Variants in TRAK1 observed in about 807,000 individuals in gnomAD.
The protein encoded by TRAK1 is trafficking kinesin protein 1, also known as trafficking kinesin-binding protein 1.
Under a neutral mutation model 92.1 loss-of-function variants are expected in TRAK1, and 33 were observed. The observed-to-expected ratio is 0.36, with a 90% CI of 0.27 to 0.48. The LOEUF is 0.48. Ranked by LOEUF, TRAK1 falls within the 20% of genes least tolerant of loss-of-function variation. The pLI, the probability that TRAK1 is intolerant of heterozygous loss-of-function variation, is 0.99. For synonymous variants in TRAK1, 521 were observed against 517.3 expected, an observed-to-expected ratio of 1.01 and a Z score of -0.10; for missense variants, 1,123 against 1,257.9, an observed-to-expected ratio of 0.89 and a Z score of 1.62.
chr3:42,077,596 C>T (rs1032202467), intron 1 of TRAK1, among the ~76,000 whole-genome samples: 2 of 152,134 alleles, frequency 1.3e-5, no homozygotes, highest in African/African-American at 4.8e-5. Flanking sequence ...ACTGTTTTTC[C>T]ATTTGTTTGT....
chr3:42,212,154 T>C (rs939425986), intron 14 of TRAK1: 1 of 985,346 alleles, frequency 1.0e-6, no homozygotes, highest in Admixed American at 6.1e-5. Flanking sequence ...AGTAGCTCTA[T>C]GCCTGCAATC....
chr3:42,036,892 G>A (rs1364608507), intron 1 of TRAK1, among the ~76,000 whole-genome samples: 1 of 152,110 alleles, frequency 6.6e-6, no homozygotes, highest in Non-Finnish European at 1.5e-5. Context: ...TAGGATTACA[G>A]GTGCATGCCA....
Position 42,170,607 on chromosome 3 carries a change from C to T in TRAK1, c.287-6207C>T, listed in dbSNP as rs1702416046. The stretch of plus-strand genomic sequence containing the variant: ...TGTCTACTTTGAATGTTTATTCAAT[C>T]CCTTTGCAGTTTTTATAATGAAAAT... On this transcript the variant is annotated intron_variant, in intron 2 of 15. Transcript: ENST00000327628. Among the ~76,000 whole-genome samples, 3 of 152,080 alleles carry T rather than the reference C, an allele frequency of 2.0e-5. No homozygotes were observed. The South Asian group carries it at 6.2e-4, about 32-fold the overall frequency.
intron 2 of TRAK1, chr3:42,160,346 TG>T: frequency 6.2e-7 from 1 of 1,613,862 alleles, no homozygotes; most frequent in Non-Finnish European, 8.5e-7. Flanking sequence ...GTTTTGGCTT[TG>T]GGGTGACTTC....
rs564665241 is a variant in TRAK1, at chr3:42,168,777, G to T, written c.287-8037G>T. ...TGTAGAGATGGGGATTTGCTATATT[G>T]TCCAGGCTGGTCTCAAACTCTTGGG... On this transcript the variant is annotated intron_variant, in intron 2 of 15. Coordinates refer to ENST00000327628, the MANE Select transcript of TRAK1 (RefSeq NM_001042646.3). 2.5e-4 allele frequency among the ~76,000 whole-genome samples: 38 copies of T among 151,958 alleles called. No individual in the cohort carries two copies. The South Asian group carries it at 7.1e-3, about 28-fold the overall frequency.
intron 1 of TRAK1, among the ~76,000 whole-genome samples, chr3:42,070,445 T>C (rs1312474602): frequency 6.6e-6 from 1 of 152,092 alleles, no homozygotes; most frequent in Non-Finnish European, 1.5e-5. Flanking sequence ...GCTGTTGTTT[T>C]GAGACAGGAT....
upstream of TRAK1, among the ~76,000 whole-genome samples, chr3:42,083,893 A>G (rs1360597066): frequency 6.6e-6 from 1 of 151,926 alleles, no homozygotes; most frequent in East Asian, 1.9e-4. Flanking sequence ...TAAATAAAAT[A>G]AATAAAATAA....
chr3:42,169,070 C>T (rs1431028765), intron 2 of TRAK1, among the ~76,000 whole-genome samples: 1 of 152,080 alleles, frequency 6.6e-6, no homozygotes, highest in African/African-American at 2.4e-5. Flanking sequence ...GTGATCTACC[C>T]GCCTTGGCCT....
intron 2 of TRAK1, among the ~76,000 whole-genome samples, chr3:42,143,065 A>G (rs778685196): frequency 1.3e-5 from 2 of 152,210 alleles, no homozygotes; most frequent in African/African-American, 4.8e-5. Context: ...AAATCTGGGC[A>G]CCAGAATGTT....
chr3:42,040,093 T>G lies in TRAK1; in HGVS notation c.-519+25976T>G, dbSNP rs1702477145. Among the ~76,000 whole-genome samples, 4 of 152,178 alleles carry G rather than the reference T, an allele frequency of 2.6e-5. No homozygotes were observed. In the South Asian group the frequency reaches 8.3e-4, roughly 32 times the overall value. On this transcript the variant is annotated intron_variant, in intron 1 of 16. Coordinates refer to the TRAK1 transcript ENST00000487159. ...GTTCTTTATATATTCTGGATACAAG[T>G]CCTTTATCAGATATAGGATTTGCAT...
At chr3:42,022,721 T>TAA (rs1278316179) in intron 1 of TRAK1, among the ~76,000 whole-genome samples, 22 of 45,942 alleles carry the variant, frequency 4.8e-4, no homozygotes, top group African/African-American at 8.3e-4. Context: ...GACCCTGTTT[T>TAA]AAAAAAAAAA....
chr3:42,097,448 CA>C (rs1246481610), intron 1 of TRAK1, among the ~76,000 whole-genome samples: 2 of 152,122 alleles, frequency 1.3e-5, no homozygotes, highest in Non-Finnish European at 2.9e-5. Flanking sequence ...CTGGTATGAG[CA>C]CATTTGCTCT....
chr3:42,217,289 G>A, intron 14 of TRAK1: 1 of 985,348 alleles, frequency 1.0e-6, no homozygotes, highest in Non-Finnish European at 1.2e-6. Context: ...GACATGCGGA[G>A]AGCCCACGGG....
intron 1 of TRAK1, among the ~76,000 whole-genome samples, chr3:42,101,754 G>C (rs1706784103): frequency 2.0e-5 from 3 of 152,178 alleles, no homozygotes; most frequent in Admixed American, 2.0e-4. Context: ...TTAAGCCATA[G>C]TTTGCAGACT....
intron 2 of TRAK1, among the ~76,000 whole-genome samples, chr3:42,129,308 C>G (rs2149160241): frequency 6.6e-6 from 1 of 152,072 alleles, no homozygotes; most frequent in Non-Finnish European, 1.5e-5. Context: ...TGTGGGCGGG[C>G]ATGGGGATAA....
chr3:42,086,913 G>T (rs1358359263), upstream of TRAK1, among the ~76,000 whole-genome samples: 2 of 152,190 alleles, frequency 1.3e-5, no homozygotes, highest in African/African-American at 4.8e-5. Flanking sequence ...ATATTGATTA[G>T]TTGAATGGAA....
intron 12 of TRAK1, 84 bp downstream of exon 12, chr3:42,201,138 G>A: frequency 7.0e-7 from 1 of 1,430,954 alleles, no homozygotes; most frequent in Non-Finnish European, 9.8e-7. Context: ...TAATTATTAA[G>A]AGGGAGGTAG....
chr3:42,158,019 A>G (rs1009627273), intron 2 of TRAK1, among the ~76,000 whole-genome samples: 8 of 152,214 alleles, frequency 5.3e-5, no homozygotes, highest in Non-Finnish European at 1.0e-4. Context: ...GCATACCGGC[A>G]TTCACTGTAG....
Position 42,033,875 on chromosome 3 carries a change from C to G in TRAK1, c.-519+19758C>G, listed in dbSNP as rs1559712035. On this transcript the variant is annotated intron_variant, in intron 1 of 16. Transcript: ENST00000487159. The stretch of plus-strand genomic sequence containing the variant: ...ATTCCTTGAAGACTGGGAGATTTGG[C>G]TCAAGATCATCTTCCCCTGACATAC... Among the ~76,000 whole-genome samples, 3 of 152,128 alleles carry G rather than the reference C, an allele frequency of 2.0e-5. No individual in the cohort carries two copies. The South Asian group carries it at 6.2e-4, about 32-fold the overall frequency.
Sources: allele counts gnomAD v4.1 joint callset (sites outside exome capture counted in the v4.1 genomes callset), GRCh38; gene constraint gnomAD v4.1.1; transcripts MANE v1.5; gene names NCBI Gene and HGNC (gene_info 2026-07-23, HGNC 2026-07-21).